The following SMAD3 variants were observed in gnomAD, a reference collection of about 807,000 sequenced individuals.
SMAD3 encodes the protein SMAD family member 3.
SMAD3 carries 12 observed loss-of-function variants against 51.8 expected under a neutral mutation model. The observed-to-expected ratio is 0.23, with a 90% CI of 0.15 to 0.38. The LOEUF (loss-of-function observed/expected upper bound fraction) is 0.38. Among genes scored for constraint, SMAD3 ranks in the 10% least tolerant of loss-of-function variants. The pLI is 1.00. For synonymous variants in SMAD3, 238 were observed against 227.7 expected (o/e 1.05, Z -0.41); for missense variants, 294 against 565.6 (o/e 0.52, Z 4.87).
intron 1 of SMAD3, among the ~76,000 whole-genome samples, chr15:67,111,231 A>G (rs575998397): frequency 6.6e-6 from 1 of 152,350 alleles, no homozygotes; most frequent in Admixed American, 6.5e-5. Context: ...TTTCATGTAG[A>G]TGAAATCATA....
intron 1 of SMAD3, among the ~76,000 whole-genome samples, chr15:67,069,954 T>C (rs1469280910): frequency 8.5e-5 from 13 of 152,202 alleles, no homozygotes; most frequent in Admixed American, 8.5e-4. Context: ...TCTGCCCGCC[T>C]TGGCCTGCCA....
rs556286103 is a variant in SMAD3 at position 67,191,234 on chromosome 15, C to T, written c.*698C>T. The T allele has an allele frequency of 2.3e-4, 54 of 233,642 alleles. No homozygotes were observed. Among genetic ancestry groups the T allele is most frequent in the African/African-American group, 1.1e-3 (48 of 45,476 alleles). The allele number at this position is 233,642 out of a possible 1,614,324, so 14.5% of individuals were successfully genotyped here. On this transcript the variant is annotated 3_prime_UTR_variant, in exon 9 of 9. Coordinates refer to ENST00000327367, the MANE Select transcript of SMAD3 (RefSeq NM_005902.4). ...CGCCACCTCTTTAAAAACTCACTTA[C>T]GTTTGTCCTTTTTCACTTTGAAAAG...
intron 6 of SMAD3, among the ~76,000 whole-genome samples, chr15:67,182,996 AAAAAATATATATATAT>A (rs1195852879): frequency 3.6e-5 from 2 of 55,396 alleles, no homozygotes; most frequent in East Asian, 5.8e-4. Context: ...TAAAAAAAAA[AAAAAATATATATATAT>A]ATATATATAT....
In SMAD3 at chr15:67,098,322, A is replaced by AGGAG. The variant is rs1279427816; in HGVS notation, c.206+31987_206+31990dup. ...CCCAAGACAGATTAAAAAAGAAGGA[A>AGGAG]GGAGGGAGGGAGGGAGGGAGGGAGG... is the stretch of plus-strand genomic sequence containing the variant. On this transcript the variant is annotated intron_variant, in intron 1 of 8. Coordinates refer to ENST00000327367, the MANE Select transcript of SMAD3 (RefSeq NM_005902.4). Among the ~76,000 whole-genome samples the AGGAG allele has an allele frequency of 1.8e-3, 148 of 83,838 alleles. 1 individual carries two copies. Among genetic ancestry groups the AGGAG allele is most frequent in the Non-Finnish European group, 2.9e-3 (125 of 43,798 alleles). The allele number at this position is 83,838 out of a possible 152,430, so 55.0% of individuals were successfully genotyped here. A position where few individuals can be genotyped will look rare whatever the true frequency, so the allele number is the denominator to read the frequency against.
At position 67,191,334 on chromosome 15, in the gene SMAD3, G is replaced by A. The variant is rs138327222; in HGVS notation, c.*798G>A. The A allele has an allele frequency of 1.2e-3, 280 of 233,370 alleles. 1 individual carries two copies. The East Asian group carries it at 0.015, about 12-fold the overall frequency. The allele number at this position is 233,370 out of a possible 1,614,324, so 14.5% of individuals were successfully genotyped here. A position where few individuals can be genotyped will look rare whatever the true frequency, so the allele number is the denominator to read the frequency against. ...TATCACATTAATCTCAAAGAGATTCGAATGACGGTAAGTGTTCTCATGAAG... is the reference window on the plus strand; with the variant it reads ...TATCACATTAATCTCAAAGAGATTCAAATGACGGTAAGTGTTCTCATGAAG... On this transcript the variant is annotated 3_prime_UTR_variant, in exon 9 of 9. Transcript: ENST00000327367.
At position 67,098,535 on chromosome 15, in the gene SMAD3, G is replaced by T. The variant is rs548234049; in HGVS notation, c.206+32175G>T. ...ATAGCAGGGGTTTCTTACTGCCCCT[G>T]CCTCCTCAGCCCCGGTAGCCTGTCA... On this transcript the variant is annotated intron_variant, in intron 1 of 8. Coordinates refer to ENST00000327367, the MANE Select transcript of SMAD3 (RefSeq NM_005902.4). 5.5e-5 allele frequency: 18 copies of T among 328,964 alleles called. No homozygotes were observed. In the East Asian group the frequency reaches 5.7e-4, roughly 10 times the overall value. 20.4% of individuals were successfully genotyped at this position (328,964 alleles called of 1,614,324 possible). A position where few individuals can be genotyped will look rare whatever the true frequency, so the allele number is the denominator to read the frequency against.
At chr15:67,116,475 C>T (rs1416315597) in intron 1 of SMAD3, among the ~76,000 whole-genome samples, 1 of 152,132 alleles carries the variant, frequency 6.6e-6, no homozygotes, top group Non-Finnish European at 1.5e-5. Context: ...AACGGTGGCG[C>T]CCATCTCACG....
chr15:67,098,807 A>G (rs1049417198), intron 1 of SMAD3: 1 of 690,748 alleles, frequency 1.4e-6, no homozygotes, highest in Non-Finnish European at 2.6e-6. Context: ...ACGCATCCCC[A>G]GCGGGGGTCT....
intron 1 of SMAD3, among the ~76,000 whole-genome samples, chr15:67,069,049 G>T (rs1959991350): frequency 6.6e-6 from 1 of 152,176 alleles, no homozygotes; most frequent in South Asian, 2.1e-4. Context: ...AGTCTAAGGA[G>T]ATTAAGCCAA....
intron 1 of SMAD3, among the ~76,000 whole-genome samples, chr15:67,148,769 A>T (rs1962045844): frequency 1.3e-5 from 2 of 152,160 alleles, no homozygotes; most frequent in African/African-American, 2.4e-5. Context: ...ATCTTTGCTT[A>T]TTTCCTACGT....
intron 1 of SMAD3, among the ~76,000 whole-genome samples, chr15:67,082,529 C>CT (rs1960300044): frequency 6.6e-6 from 1 of 152,184 alleles, no homozygotes; most frequent in Admixed American, 6.5e-5. Context: ...TGTTTAGTAT[C>CT]TTTGTGCATC....
intron 1 of SMAD3, among the ~76,000 whole-genome samples, chr15:67,071,452 T>C (rs1960050627): frequency 6.6e-6 from 1 of 152,212 alleles, no homozygotes; most frequent in Non-Finnish European, 1.5e-5. Flanking sequence ...AAATTCAGGT[T>C]TCCTTGGTGG....
Position 67,089,846 on chromosome 15 carries a change from G to A in SMAD3, c.206+23486G>A, listed in dbSNP as rs1402608174. 2.6e-5 allele frequency among the ~76,000 whole-genome samples: 4 copies of A among 152,214 alleles called. No homozygotes were observed. In the East Asian group the frequency reaches 7.7e-4, roughly 29 times the overall value. On this transcript the variant is annotated intron_variant, in intron 1 of 8. Coordinates refer to ENST00000327367, the MANE Select transcript of SMAD3 (RefSeq NM_005902.4). ...GAGAGGCTGAGGGACTTGGCCCAGG[G>A]CATATAGCTAGGAAGCGGCCAGGCA...
chr15:67,100,931 G>A (rs1213924218), intron 1 of SMAD3, among the ~76,000 whole-genome samples: 2 of 152,168 alleles, frequency 1.3e-5, no homozygotes, highest in Non-Finnish European at 2.9e-5. Flanking sequence ...GGGGGTTTTG[G>A]CTCCTTTATG....
chr15:67,135,343 C>A (rs1036758901), intron 1 of SMAD3, among the ~76,000 whole-genome samples: 2 of 152,228 alleles, frequency 1.3e-5, no homozygotes, highest in Non-Finnish European at 2.9e-5. Flanking sequence ...CCTTCACAGT[C>A]CCCTGACTGC....
chr15:67,188,325 A>G (rs575822748), intron 8 of SMAD3, among the ~76,000 whole-genome samples: 1 of 151,822 alleles, frequency 6.6e-6, no homozygotes, highest in African/African-American at 2.4e-5. Context: ...TTTAGTAGAG[A>G]GGGGGTTTCA....
chr15:67,066,823 C>T (rs1959933477), intron 1 of SMAD3, among the ~76,000 whole-genome samples: 1 of 152,212 alleles, frequency 6.6e-6, no homozygotes, highest in South Asian at 2.1e-4. Flanking sequence ...TCCCCACTTT[C>T]CTCTACAGGA....
At chr15:67,181,634 T>C (rs1300994785) in intron 6 of SMAD3, among the ~76,000 whole-genome samples, 181 bp downstream of exon 6, 1 of 152,040 alleles carries the variant, frequency 6.6e-6, no homozygotes, top group Non-Finnish European at 1.5e-5. Context: ...ACACTCTCTG[T>C]TGCCCTGTTT....
At chr15:67,115,427 A>C (rs143672130) in intron 1 of SMAD3, among the ~76,000 whole-genome samples, 1 of 152,334 alleles carries the variant, frequency 6.6e-6, no homozygotes, top group Non-Finnish European at 1.5e-5. Context: ...CAAACAGAAA[A>C]GTTGTTTTGG....
Sources: allele counts gnomAD v4.1 joint callset (sites outside exome capture counted in the v4.1 genomes callset), GRCh38; gene constraint gnomAD v4.1.1; transcripts MANE v1.5; gene names NCBI Gene and HGNC (gene_info 2026-07-23, HGNC 2026-07-21).